Variants in FAM193A observed in about 807,000 individuals in gnomAD.
FAM193A encodes the protein protein FAM193A.
In FAM193A, 22 loss-of-function variants were observed where a neutral mutation model predicts 126.5. The ratio of observed to expected loss-of-function variants is 0.17; its 90% CI spans 0.12 to 0.25. FAM193A has a LOEUF of 0.25. Among genes scored for constraint, FAM193A ranks in the 10% least tolerant of loss-of-function variants. The pLI is 1.00. For synonymous variants in FAM193A, 761 were observed against 646.8 expected, an observed-to-expected ratio of 1.18 and a Z score of -2.68; for missense variants, 1,675 against 1,672.8, an observed-to-expected ratio of 1.00 and a Z score of -0.02.
chr4:2,650,976 A>ACTGGAGGGTGGCATCAGAC (rs1483839847), intron 7 of FAM193A, among the ~76,000 whole-genome samples: 1 of 152,082 alleles, frequency 6.6e-6, no homozygotes, highest in Non-Finnish European at 1.5e-5. Flanking sequence ...TGGTGAATCC[A>ACTGGAGGGTGGCATCAGAC]CTGGAGGGTG....
At chr4:2,688,688 G>A (rs1365172186) in intron 13 of FAM193A, among the ~76,000 whole-genome samples, 1 of 152,260 alleles carries the variant, frequency 6.6e-6, no homozygotes, top group Non-Finnish European at 1.5e-5. Context: ...TCTGGCTGTA[G>A]TGGGGAGAAG....
chr4:2,599,925 C>T (rs550080025), intron 2 of FAM193A, among the ~76,000 whole-genome samples: 1 of 149,392 alleles, frequency 6.7e-6, no homozygotes, highest in African/African-American at 2.5e-5. Context: ...TTTAGAGACA[C>T]AGTCTCGCTC....
At chr4:2,696,041 T>TAAATA (rs1214438885) in intron 17 of FAM193A, among the ~76,000 whole-genome samples, 1 of 151,910 alleles carries the variant, frequency 6.6e-6, no homozygotes, top group Non-Finnish European at 1.5e-5. Context: ...AATAAATAAA[T>TAAATA]AAATAAATAA....
At chr4:2,691,030 C>G in intron 15 of FAM193A, 60 bp downstream of exon 15, 1 of 1,487,082 alleles carries the variant, frequency 6.7e-7, no homozygotes, top group Non-Finnish European at 9.1e-7. Flanking sequence ...TTACTGACTT[C>G]TCGTCTTTGT....
chr4:2,646,856 C>A, intron 7 of FAM193A, 24 bp downstream of exon 7: 3 of 1,596,402 alleles, frequency 1.9e-6, no homozygotes, highest in East Asian at 2.2e-5. Flanking sequence ...GGGACCACCG[C>A]ACCCCGCGCA....
At chr4:2,694,607 G>T (rs1203267164) in intron 16 of FAM193A, among the ~76,000 whole-genome samples, 1 of 152,036 alleles carries the variant, frequency 6.6e-6, no homozygotes, top group East Asian at 1.9e-4. Context: ...CTTTGAACTC[G>T]CCTGTTTGAA....
At chr4:2,562,979 C>T (rs924957606) in intron 1 of FAM193A, among the ~76,000 whole-genome samples, 7 of 149,314 alleles carry the variant, frequency 4.7e-5, no homozygotes, top group Non-Finnish European at 8.9e-5. Context: ...GAGTCTTGCT[C>T]TCTCGCCCAG....
chr4:2,576,482 G>A lies in FAM193A; in HGVS notation c.256-19602G>A, dbSNP rs542787395. ...GGGGGCTGAGGCAGGAGGATGGCTTGAGCCCAGGGGTTTAAGGCTGTATTG... is the reference window on the plus strand; with the variant it reads ...GGGGGCTGAGGCAGGAGGATGGCTTAAGCCCAGGGGTTTAAGGCTGTATTG... On this transcript the variant is annotated intron_variant, in intron 1 of 20. Coordinates refer to ENST00000637812, the MANE Select transcript of FAM193A (RefSeq NM_001366318.2). 7.2e-5 allele frequency among the ~76,000 whole-genome samples: 11 copies of A among 152,306 alleles called. No individual in the cohort carries two copies. In the South Asian group the frequency reaches 1.2e-3, roughly 17 times the overall value.
At chr4:2,694,533 C>T (rs1223133059) in intron 16 of FAM193A, among the ~76,000 whole-genome samples, 1 of 152,134 alleles carries the variant, frequency 6.6e-6, no homozygotes, top group Non-Finnish European at 1.5e-5. Flanking sequence ...TCCCAGAGTG[C>T]TGGGAGTACA....
chr4:2,711,273 C>T (rs1718939216), intron 19 of FAM193A, among the ~76,000 whole-genome samples: 1 of 151,840 alleles, frequency 6.6e-6, no homozygotes, highest in Admixed American at 6.6e-5. Flanking sequence ...TGGAACTTTC[C>T]TCTGATCTTT....
At chr4:2,613,920 G>A (rs191085747) in intron 2 of FAM193A, among the ~76,000 whole-genome samples, 3 of 151,976 alleles carry the variant, frequency 2.0e-5, no homozygotes, top group Non-Finnish European at 4.4e-5. Context: ...GATTACAGGT[G>A]CGTACCACCA....
chr4:2,549,395 C>CTTT (rs869161808), intron 1 of FAM193A, among the ~76,000 whole-genome samples: 27 of 122,638 alleles, frequency 2.2e-4, no homozygotes, highest in African/African-American at 2.6e-4. Flanking sequence ...TTCTTTTTTT[C>CTTT]TTTTTTTTTT....
chr4:2,535,553 G>T (rs1166755047), upstream of FAM193A, among the ~76,000 whole-genome samples: 1 of 152,258 alleles, frequency 6.6e-6, no homozygotes, highest in Non-Finnish European at 1.5e-5. Context: ...CCTCCAGGGG[G>T]CGGAGCCGCC....
intron 1 of FAM193A, among the ~76,000 whole-genome samples, chr4:2,547,469 G>A (rs949603346): frequency 6.6e-6 from 1 of 151,996 alleles, no homozygotes; most frequent in Non-Finnish European, 1.5e-5. Context: ...CCAGGCTGGT[G>A]TCTATCTCCA....
At chr4:2,560,995 A>G (rs1254524070) in intron 1 of FAM193A, among the ~76,000 whole-genome samples, 2 of 152,126 alleles carry the variant, frequency 1.3e-5, no homozygotes, top group East Asian at 1.9e-4. Flanking sequence ...CCACCTTTCT[A>G]GAACTTTCTT....
At chr4:2,613,378 CTTTTTTTT>C in intron 2 of FAM193A, among the ~76,000 whole-genome samples, 1 of 120,748 alleles carries the variant, frequency 8.3e-6, no homozygotes, top group East Asian at 2.3e-4. Flanking sequence ...AGAAATTCAG[CTTTTTTTT>C]TTTTTTTTTG....
In FAM193A at chr4:2,585,897, C is replaced by G. The variant is rs145433905; in HGVS notation, c.256-10187C>G. On this transcript the variant is annotated intron_variant, in intron 1 of 20. Transcript: ENST00000637812. ...TGAGCCAAGATTGTGCTACTGCACA[C>G]CAGCCTGGGTGGCAGAGTGAGACTG... Among the ~76,000 whole-genome samples, 191 of 152,196 alleles carry G rather than the reference C, an allele frequency of 1.3e-3. 1 individual carries two copies. The highest frequency in any genetic ancestry group is 4.5e-3 in the African/African-American group (187 of 41,516).
intron 2 of FAM193A, among the ~76,000 whole-genome samples, chr4:2,623,392 G>T (rs1408040054): frequency 6.6e-6 from 1 of 152,092 alleles, no homozygotes; most frequent in Middle Eastern, 3.2e-3. Context: ...GAAGGGTCTC[G>T]ATCTCTTGAC....
chr4:2,653,002 G>T (rs879482774), intron 7 of FAM193A, among the ~76,000 whole-genome samples: 2 of 152,206 alleles, frequency 1.3e-5, no homozygotes, highest in Admixed American at 1.3e-4. Context: ...GCCTGTTGGG[G>T]TTTAGGTCAG....
Sources: allele counts gnomAD v4.1 joint callset (sites outside exome capture counted in the v4.1 genomes callset), GRCh38; gene constraint gnomAD v4.1.1; transcripts MANE v1.5; gene names NCBI Gene and HGNC (gene_info 2026-07-23, HGNC 2026-07-21).